Variants in NAV3 observed in about 807,000 individuals in gnomAD.
NAV3 encodes the protein pore membrane and/or filament interacting like protein 1.
Under a neutral mutation model 244.7 loss-of-function variants are expected in NAV3, and 87 were observed. The ratio of observed to expected loss-of-function variants is 0.36; its 90% CI spans 0.30 to 0.42. The LOEUF (loss-of-function observed/expected upper bound fraction) is 0.42. NAV3 is among the 20% of genes least tolerant of loss of function. NAV3 has a pLI of 1.00. For synonymous variants in NAV3, 1,126 were observed against 1,042.2 expected (o/e 1.08, Z -1.55); for missense variants, 2,663 against 2,893.3 (o/e 0.92, Z 1.83).
chr12:77,964,686 G>A (rs1012812713), intron 3 of NAV3, among the ~76,000 whole-genome samples: 1 of 152,052 alleles, frequency 6.6e-6, no homozygotes, highest in Non-Finnish European at 1.5e-5. Flanking sequence ...TATTCAGATG[G>A]TGATCTGCAG....
intron 2 of NAV3, among the ~76,000 whole-genome samples, chr12:77,640,036 A>C (rs1012072180): frequency 7.2e-5 from 11 of 152,160 alleles, no homozygotes; most frequent in Non-Finnish European, 1.3e-4. Flanking sequence ...CCATCATCCA[A>C]ATTCTTAGAT....
At chr12:77,598,066 G>C (rs574652781) in intron 2 of NAV3, among the ~76,000 whole-genome samples, 11 of 152,078 alleles carry the variant, frequency 7.2e-5, no homozygotes, top group Middle Eastern at 3.4e-3. Context: ...CACTATCCTA[G>C]GAATAGTTTA....
chr12:78,204,190 T>A (rs993080055), intron 38 of NAV3, among the ~76,000 whole-genome samples: 1 of 143,108 alleles, frequency 7.0e-6, no homozygotes, highest in Non-Finnish European at 1.5e-5. Flanking sequence ...AACATCACAC[T>A]CCGGGGACTG....
chr12:77,725,093 C>G (rs755907688), intron 2 of NAV3, among the ~76,000 whole-genome samples: 1 of 151,974 alleles, frequency 6.6e-6, no homozygotes, highest in South Asian at 2.1e-4. Context: ...TAGTTTATTT[C>G]AAGATAATTT....
upstream of NAV3, among the ~76,000 whole-genome samples, chr12:77,830,571 C>G (rs1410343587): frequency 1.3e-5 from 2 of 152,174 alleles, no homozygotes; most frequent in Non-Finnish European, 2.9e-5. Flanking sequence ...ATTTAGTGCC[C>G]TGCTTCCTGT....
chr12:77,766,455 A>G (rs2135856933), intron 2 of NAV3, among the ~76,000 whole-genome samples: 1 of 152,292 alleles, frequency 6.6e-6, no homozygotes, highest in South Asian at 2.1e-4. Flanking sequence ...TTATTTCCCA[A>G]TTATCTTGGC....
chr12:78,064,375 C>T (rs962833230), intron 12 of NAV3, among the ~76,000 whole-genome samples: 8 of 151,500 alleles, frequency 5.3e-5, no homozygotes, highest in Non-Finnish European at 1.0e-4. Context: ...CTCTGTGCTC[C>T]TGGAGACATC....
chr12:78,148,473 T>A (rs10777791), intron 21 of NAV3, among the ~76,000 whole-genome samples: 50,305 of 151,906 alleles, frequency 0.33, 8,667 homozygotes, highest in East Asian at 0.48. Context: ...AAGAAAAATA[T>A]GTGTGTATAT....
At chr12:77,661,246 G>C (rs1873432169) in intron 2 of NAV3, among the ~76,000 whole-genome samples, 1 of 152,100 alleles carries the variant, frequency 6.6e-6, no homozygotes, top group African/African-American at 2.4e-5. Context: ...AACAGCTTCA[G>C]TTTGTCAGTC....
intron 8 of NAV3, among the ~76,000 whole-genome samples, chr12:78,014,007 T>A (rs1875758710): frequency 6.6e-6 from 1 of 152,090 alleles, no homozygotes; most frequent in Non-Finnish European, 1.5e-5. Flanking sequence ...TTTCAAAAAA[T>A]ACCTCCCTTT....
intron 11 of NAV3, among the ~76,000 whole-genome samples, chr12:78,055,909 G>A (rs1883436479): frequency 6.6e-6 from 1 of 152,146 alleles, no homozygotes; most frequent in South Asian, 2.1e-4. Flanking sequence ...TGCTGTTATA[G>A]ACTTTGTCCT....
intron 5 of NAV3, among the ~76,000 whole-genome samples, chr12:77,974,760 T>G (rs551475723): frequency 1.1e-4 from 17 of 152,312 alleles, no homozygotes; most frequent in African/African-American, 3.4e-4. Flanking sequence ...TCCAGTGTTC[T>G]TCCTCTAATA....
At chr12:77,715,637 T>G (rs1876324968) in intron 2 of NAV3, among the ~76,000 whole-genome samples, 1 of 152,056 alleles carries the variant, frequency 6.6e-6, no homozygotes, top group Non-Finnish European at 1.5e-5. Context: ...TATATTAAAC[T>G]AAACCATTTA....
At chr12:77,892,138 A>G (rs1426052452) in intron 1 of NAV3, among the ~76,000 whole-genome samples, 1 of 152,250 alleles carries the variant, frequency 6.6e-6, no homozygotes, top group African/African-American at 2.4e-5. Flanking sequence ...TCAAACTGAC[A>G]TTAAAATAGA....
At chr12:77,875,147 A>T (rs889284780) in intron 1 of NAV3, among the ~76,000 whole-genome samples, 82 of 152,080 alleles carry the variant, frequency 5.4e-4, no homozygotes, top group Non-Finnish European at 4.9e-4. Context: ...TTATTAGAAA[A>T]TATTTTTGAG....
At chr12:77,602,946 A>T (rs1592494593) in intron 2 of NAV3, among the ~76,000 whole-genome samples, 1 of 152,016 alleles carries the variant, frequency 6.6e-6, no homozygotes, top group African/African-American at 2.4e-5. Flanking sequence ...ATTGAATGAT[A>T]TACTCTCCCT....
At chr12:78,061,533 G>T (rs541490785) in intron 12 of NAV3, among the ~76,000 whole-genome samples, 62 of 152,084 alleles carry the variant, frequency 4.1e-4, no homozygotes, top group African/African-American at 1.4e-3. Flanking sequence ...TTGCAAAAAG[G>T]TCATAGTATA....
chr12:77,739,121 C>A (rs1271980579), intron 2 of NAV3, among the ~76,000 whole-genome samples: 1 of 150,850 alleles, frequency 6.6e-6, no homozygotes, highest in Non-Finnish European at 1.5e-5. Flanking sequence ...AAGGAATTAG[C>A]CTTCGTTATC....
At chr12:78,047,213 T>C (rs986447187) in intron 9 of NAV3, among the ~76,000 whole-genome samples, 1 of 152,096 alleles carries the variant, frequency 6.6e-6, no homozygotes, top group Non-Finnish European at 1.5e-5. Context: ...TGAGGCCAGG[T>C]GCGGTGGCTC....
Sources: allele counts gnomAD v4.1 joint callset (sites outside exome capture counted in the v4.1 genomes callset), GRCh38; gene constraint gnomAD v4.1.1; transcripts MANE v1.5; gene names NCBI Gene and HGNC (gene_info 2026-07-23, HGNC 2026-07-21).